Variants in SMIM17 observed in about 807,000 individuals in gnomAD.
SMIM17 encodes the protein small integral membrane protein 17.
In SMIM17, 10 loss-of-function variants were observed where a neutral mutation model predicts 12.2. That is an observed-to-expected ratio of 0.82 (90% CI 0.50 to 1.39). The LOEUF (loss-of-function observed/expected upper bound fraction) is 1.39, where lower values mean the gene tolerates loss of function less well. Among genes scored for constraint, SMIM17 ranks in the 40% most tolerant of loss-of-function variants. The pLI, the probability that SMIM17 is intolerant of heterozygous loss-of-function variation, is 0.00. For missense variants in SMIM17, 136 were observed against 118.2 expected, an observed-to-expected ratio of 1.15 and a Z score of -0.70; for synonymous variants, 50 against 44.1, an observed-to-expected ratio of 1.13 and a Z score of -0.53.
chr19:56,655,317 A>G lies in SMIM17; in HGVS notation c.*104A>G, dbSNP rs898278553. 82 of 539,034 alleles carry G rather than the reference A, an allele frequency of 1.5e-4. 1 individual carries two copies. Among genetic ancestry groups the G allele is most frequent in the African/African-American group, 1.4e-3 (76 of 52,810 alleles). The allele number at this position is 539,034 out of a possible 1,614,324, so 33.4% of individuals were successfully genotyped here. ...TAAAAATCAGGAATAGGTGTTGAAT[A>G]TTTTCAAATGCCTTTCAAACATCCT... On this transcript the variant is annotated 3_prime_UTR_variant, in exon 4 of 4. Transcript: ENST00000598409.
intron 3 of SMIM17, 35 bp from the exon 4 acceptor site, chr19:56,655,068 T>A: frequency 1.5e-6 from 1 of 649,348 alleles, no homozygotes; most frequent in South Asian, 1.7e-5. Flanking sequence ...CCCCTTCCTT[T>A]CCAATATTTA....
intron 1 of SMIM17, among the ~76,000 whole-genome samples, chr19:56,644,595 T>A (rs2045047786): frequency 6.6e-6 from 1 of 152,234 alleles, no homozygotes; most frequent in African/African-American, 2.4e-5. Flanking sequence ...ATGGTGCAGC[T>A]TCTTCAGACA....
At position 56,657,243 on chromosome 19, in the gene SMIM17, C is replaced by A. The variant is rs1361397662; in HGVS notation, c.*2030C>A. On this transcript the variant is annotated 3_prime_UTR_variant, in exon 4 of 4. Coordinates refer to ENST00000598409, the MANE Select transcript of SMIM17 (RefSeq NM_001193628.2). ...GGCACTCAATAAATGTTAATTAAAA[C>A]CTGATTCTGAATCCTTTGTTAAATA... 1.3e-5 allele frequency among the ~76,000 whole-genome samples: 2 copies of A among 152,128 alleles called. No homozygotes were observed. Among genetic ancestry groups the A allele is most frequent in the African/African-American group, 2.4e-5 (1 of 41,414 alleles).
In SMIM17 at chr19:56,655,142, A is replaced by G; in HGVS notation, c.286A>G (p.Ile96Val). Residue 96 changes from isoleucine (I) to valine (V), a missense_variant, in exon 4 of 4, where the codon ATA (isoleucine) becomes GTA (valine). Physicochemically the swap from Ile to Val is conservative, Grantham distance 29. Transcript: ENST00000598409. ...EWSKAPQQTTIVLVVCVLFLF... is the reference protein window; with the variant it reads ...EWSKAPQQTTVVLVVCVLFLF... Reference sequence around the variant, plus strand: ...GTCAAAAGCTCCACAACAAACAACCATAGTCTTGGTAGTGTGCGTGCTTTT... The same window carrying G: ...GTCAAAAGCTCCACAACAAACAACCGTAGTCTTGGTAGTGTGCGTGCTTTT... 1.4e-6 allele frequency: 1 copy of G among 702,302 alleles called. No individual in the cohort carries two copies. The highest frequency in any genetic ancestry group is 1.5e-5 in the South Asian group (1 of 67,444). The allele number at this position is 702,302 out of a possible 1,614,324, so 43.5% of individuals were successfully genotyped here. A position where few individuals can be genotyped will look rare whatever the true frequency, so the allele number is the denominator to read the frequency against.
At position 56,655,103 on chromosome 19, in the gene SMIM17, G is replaced by T; in HGVS notation, c.247G>T (p.Gly83Cys). 1 of 683,754 alleles carries T rather than the reference G, an allele frequency of 1.5e-6. No homozygotes were observed. The highest frequency in any genetic ancestry group is 2.7e-6 in the Non-Finnish European group (1 of 374,170). 42.4% of individuals were successfully genotyped at this position (683,754 alleles called of 1,614,324 possible). A position where few individuals can be genotyped will look rare whatever the true frequency, so the allele number is the denominator to read the frequency against. Residue 83 changes from glycine to cysteine, a missense_variant and splice_region_variant, in exon 4 of 4, where the codon GGC becomes TGC. Transcript: ENST00000598409. ...ATCCTTTTCCTTTTTTCTGTTTCAG[G>T]GCTTTGTGGAGTGGTCAAAAGCTCC... ...EEDDESEGSQ[G>C]FVEWSKAPQQ...
intron 3 of SMIM17, among the ~76,000 whole-genome samples, chr19:56,648,138 CCATCCATCCATCCA>C (rs2045080465): frequency 3.1e-5 from 1 of 32,766 alleles, no homozygotes; most frequent in African/African-American, 1.1e-4. Context: ...ACTTATCCAT[CCATCCATCCATCCA>C]TCCATCCATC....
chr19:56,645,000 C>T (rs1181300508), intron 1 of SMIM17, among the ~76,000 whole-genome samples: 1 of 152,216 alleles, frequency 6.6e-6, no homozygotes, highest in Non-Finnish European at 1.5e-5. Flanking sequence ...TGTGAGCCAC[C>T]TCGCCTGGCT....
rs1338328981 is a variant in SMIM17, at chr19:56,655,084, T to G, written c.247-19T>G. The stretch of plus-strand genomic sequence containing the variant: ...CCCTTCCTTTCCAATATTTATCCTT[T>G]TCCTTTTTTCTGTTTCAGGGCTTTG... On this transcript the variant is annotated intron_variant, in intron 3 of 3. Coordinates refer to ENST00000598409, the MANE Select transcript of SMIM17 (RefSeq NM_001193628.2). 8 of 672,814 alleles carry G rather than the reference T, an allele frequency of 1.2e-5. No individual in the cohort carries two copies. Among genetic ancestry groups the G allele is most frequent in the Non-Finnish European group, 1.9e-5 (7 of 366,784 alleles). The allele number at this position is 672,814 out of a possible 1,614,324, so 41.7% of individuals were successfully genotyped here. A position where few individuals can be genotyped will look rare whatever the true frequency, so the allele number is the denominator to read the frequency against.
chr19:56,654,193 A>G (rs1009351810), intron 3 of SMIM17, among the ~76,000 whole-genome samples: 1 of 152,244 alleles, frequency 6.6e-6, no homozygotes, highest in Admixed American at 6.5e-5. Flanking sequence ...GGAAGAGACA[A>G]TAAACATACA....
At position 56,647,429 on chromosome 19, in the gene SMIM17, G is replaced by GAGAGAGAGAGAGAGAGAGAGAGAC. The variant is rs1568517312; in HGVS notation, c.170-107_170-106insACAGAGAGAGAGAGAGAGAGAGAG. 11 of 375,170 alleles carry GAGAGAGAGAGAGAGAGAGAGAGAC rather than the reference G, an allele frequency of 2.9e-5. No homozygotes were observed. In the African/African-American group the frequency reaches 4.6e-4, roughly 16 times the overall value. The allele number at this position is 375,170 out of a possible 1,614,324, so 23.2% of individuals were successfully genotyped here. A position where few individuals can be genotyped will look rare whatever the true frequency, so the allele number is the denominator to read the frequency against. On this transcript the variant is annotated intron_variant, in intron 2 of 3. Transcript: ENST00000598409. The stretch of plus-strand genomic sequence containing the variant: ...AGAGAGAGAAGGAGGGTGAGAGAGA[G>GAGAGAGAGAGAGAGAGAGAGAGAC]AGAGAGAGAGAGAGAGAGAGAGGAG...
At chr19:56,650,517 A>G (rs1249856729) in intron 3 of SMIM17, among the ~76,000 whole-genome samples, 1 of 152,184 alleles carries the variant, frequency 6.6e-6, no homozygotes, top group African/African-American at 2.4e-5. Context: ...ACATCTAGTA[A>G]CTGAACACTC....
rs2045155300 is a variant in SMIM17, at chr19:56,656,849, T to C, written c.*1636T>C. On this transcript the variant is annotated 3_prime_UTR_variant, in exon 4 of 4. Transcript: ENST00000598409. ...TATAACACATCTGCTTCCAAAACTT[T>C]TTAAAAAGCTTTTAGTGTGGCCTAG... Among the ~76,000 whole-genome samples, 1 of 152,228 alleles carries C rather than the reference T, an allele frequency of 6.6e-6. No individual in the cohort carries two copies. The highest frequency in any genetic ancestry group is 2.4e-5 in the African/African-American group (1 of 41,472).
chr19:56,656,152 G>A lies in SMIM17; in HGVS notation c.*939G>A, dbSNP rs1008407612. Among the ~76,000 whole-genome samples the A allele has an allele frequency of 8.7e-4, 132 of 151,980 alleles. No individual in the cohort carries two copies. The highest frequency in any genetic ancestry group is 3.4e-3 in the Middle Eastern group (1 of 294). ...GTAGAGACGGGGTTTCACCGTGTTA[G>A]CCAGGATGGTCTCGATCTCCTGACC... On this transcript the variant is annotated 3_prime_UTR_variant, in exon 4 of 4. Transcript: ENST00000598409.
intron 2 of SMIM17, among the ~76,000 whole-genome samples, chr19:56,646,339 A>G (rs1362253321): frequency 2.6e-5 from 4 of 152,144 alleles, no homozygotes; most frequent in Non-Finnish European, 4.4e-5. Flanking sequence ...TCTCATTTGC[A>G]TTTCAAAAAT....
chr19:56,645,761 C>T lies in SMIM17; in HGVS notation c.94C>T (p.Pro32Ser). The T allele has an allele frequency of 6.5e-7, 1 of 1,535,942 alleles. No individual in the cohort carries two copies. Among genetic ancestry groups the T allele is most frequent in the African/African-American group, 1.4e-5 (1 of 73,170 alleles). Residue 32 changes from proline (P) to serine (S), a missense_variant, in exon 2 of 4, where the codon CCT becomes TCT. Coordinates refer to ENST00000598409, the MANE Select transcript of SMIM17 (RefSeq NM_001193628.2). ...TCGGGAGAGCCGGGCCTGGGAGAAG[C>T]CTCCTCATCCCGCCTGCACCAAAGA... ...LPRESRAWEK[P>S]PHPACTKDWE...
At chr19:56,645,505 C>A in intron 1 of SMIM17, 63 bp from the exon 2 acceptor site, 1 of 567,672 alleles carries the variant, frequency 1.8e-6, no homozygotes, top group Non-Finnish European at 2.9e-6. Context: ...CTAATGCTTA[C>A]AGTCGTGCCT....
chr19:56,652,708 G>T (rs1403107786), intron 3 of SMIM17, among the ~76,000 whole-genome samples: 2 of 151,738 alleles, frequency 1.3e-5, no homozygotes, highest in Non-Finnish European at 2.9e-5. Flanking sequence ...CTCTGAGTCA[G>T]TGGAGTGGCC....
At chr19:56,644,463 T>C (rs1183244285) in intron 1 of SMIM17, among the ~76,000 whole-genome samples, 1 of 152,236 alleles carries the variant, frequency 6.6e-6, no homozygotes, top group Admixed American at 6.5e-5. Context: ...GAAATAATTA[T>C]TGACATCATG....
At chr19:56,644,692 C>A (rs750730717) in intron 1 of SMIM17, among the ~76,000 whole-genome samples, 1 of 152,176 alleles carries the variant, frequency 6.6e-6, no homozygotes, top group Non-Finnish European at 1.5e-5. Flanking sequence ...TTCATGTGCT[C>A]CTTACAATAG....
Sources: gnomAD v4.1 joint callset for allele counts (sites outside exome capture counted in the v4.1 genomes callset) on GRCh38, gnomAD v4.1.1 for gene constraint, MANE v1.5 for transcripts, NCBI Gene and HGNC (gene_info 2026-07-23, HGNC 2026-07-21) for gene names.